DIS3L2: variants seen among roughly 807,000 people sequenced by gnomAD.
DIS3L2 encodes DIS3-like exonuclease 2.
In DIS3L2, 34 loss-of-function variants were observed where a neutral mutation model predicts 97.5. The ratio of observed to expected loss-of-function variants is 0.35; its 90% CI spans 0.27 to 0.46. DIS3L2 has a LOEUF of 0.46. Among genes scored for constraint, DIS3L2 ranks in the 20% least tolerant of loss-of-function variants. The pLI is 1.00. For synonymous variants in DIS3L2, 435 were observed against 445.2 expected (o/e 0.98, Z 0.29); for missense variants, 1,038 against 1,146.0 (o/e 0.91, Z 1.36).
At chr2:232,072,533 TA>T (rs1324417192) in intron 5 of DIS3L2, among the ~76,000 whole-genome samples, 2 of 151,884 alleles carry the variant, frequency 1.3e-5, no homozygotes, top group Non-Finnish European at 2.9e-5. Context: ...ACATCATAGG[TA>T]GGATTCTGTT....
intron 14 of DIS3L2, among the ~76,000 whole-genome samples, chr2:232,324,827 T>G (rs1041260787): frequency 2.0e-5 from 3 of 152,270 alleles, no homozygotes; most frequent in Admixed American, 2.0e-4. Flanking sequence ...GGGAAACAAA[T>G]TGAGATTACA....
chr2:232,119,106 A>C (rs943466836), intron 6 of DIS3L2, among the ~76,000 whole-genome samples: 1 of 152,078 alleles, frequency 6.6e-6, no homozygotes, highest in Admixed American at 6.5e-5. Context: ...TTGCTGCTGG[A>C]GATGTTCAAG....
At chr2:232,163,719 C>T (rs1280003529) in intron 9 of DIS3L2, 87 bp downstream of exon 9, 1 of 1,420,498 alleles carries the variant, frequency 7.0e-7, no homozygotes, top group Non-Finnish European at 9.4e-7. Flanking sequence ...TTCATCTTTC[C>T]ACGAACATTC....
intron 14 of DIS3L2, among the ~76,000 whole-genome samples, chr2:232,314,270 G>A (rs1025225422): frequency 6.6e-5 from 10 of 152,072 alleles, no homozygotes; most frequent in East Asian, 5.8e-4. Flanking sequence ...CCTCCTGGGC[G>A]GGCTGCTCAG....
At chr2:232,272,646 C>A (rs1366162364) in intron 13 of DIS3L2, among the ~76,000 whole-genome samples, 3 of 152,126 alleles carry the variant, frequency 2.0e-5, no homozygotes, top group Non-Finnish European at 4.4e-5. Flanking sequence ...ATTACTGATA[C>A]CGTTTGGGTT....
At chr2:231,999,374 C>T (rs1389800393) in intron 1 of DIS3L2, among the ~76,000 whole-genome samples, 1 of 152,124 alleles carries the variant, frequency 6.6e-6, no homozygotes, top group Non-Finnish European at 1.5e-5. Context: ...TAGGCCCTTT[C>T]AGGAGACAAA....
At chr2:232,123,238 T>G (rs1248227628) in intron 6 of DIS3L2, among the ~76,000 whole-genome samples, 1 of 152,120 alleles carries the variant, frequency 6.6e-6, no homozygotes, top group African/African-American at 2.4e-5. Flanking sequence ...CTGGGATAAG[T>G]TAGTTTACTT....
rs11678626 is a variant in DIS3L2, at chr2:232,195,706, C to T, written c.1125-14620C>T. Among the ~76,000 whole-genome samples the T allele has an allele frequency of 2.9e-3, 434 of 152,226 alleles. 1 individual carries two copies. The highest frequency in any genetic ancestry group is 4.7e-3 in the Non-Finnish European group (323 of 68,010). ...GGCTCAAGCTGTTCTCCTGCATCAG[C>T]CTCCCAAAGTGCTAGGATTACAGGG... On this transcript the variant is annotated intron_variant, in intron 9 of 20. Coordinates refer to ENST00000325385, the MANE Select transcript of DIS3L2 (RefSeq NM_152383.5).
rs539701624 is a variant in DIS3L2 at position 232,208,305 on chromosome 2, C to A, written c.1125-2021C>A. Among the ~76,000 whole-genome samples the A allele has an allele frequency of 1.3e-5, 2 of 152,050 alleles. 1 individual carries two copies. Among genetic ancestry groups the A allele is most frequent in the South Asian group, 4.2e-4 (2 of 4,810 alleles). ...CCTCTTCTTATCCCCTCTCCTCCCC[C>A]CACCCTTTTTTGTTTTTGTGTTTGA... On this transcript the variant is annotated intron_variant, in intron 9 of 20. Transcript: ENST00000325385.
chr2:232,343,783 C>T, exon 14 of DIS3L2: 1 of 557,096 alleles, frequency 1.8e-6, no homozygotes, highest in Admixed American at 3.2e-5. Context: ...AGGTTTGCAG[C>T]AGATGCCAGG....
chr2:232,007,719 G>T (rs1694091957), intron 1 of DIS3L2, among the ~76,000 whole-genome samples: 2 of 152,114 alleles, frequency 1.3e-5, no homozygotes. Flanking sequence ...AATTCCTATA[G>T]AAATGCAAAT....
chr2:231,993,330 C>T (rs11676233), intron 1 of DIS3L2, among the ~76,000 whole-genome samples: 2,135 of 152,274 alleles, frequency 0.014, 23 homozygotes, highest in Non-Finnish European at 0.021. Context: ...TCTCCTGCCT[C>T]AGCCTCCTGA....
chr2:232,006,764 G>A (rs1370028978), intron 1 of DIS3L2, among the ~76,000 whole-genome samples: 2 of 152,190 alleles, frequency 1.3e-5, no homozygotes, highest in Non-Finnish European at 2.9e-5. Flanking sequence ...GAATTGTAGA[G>A]AGAGAAAGAG....
chr2:232,051,672 C>T (rs1342111225), intron 5 of DIS3L2, among the ~76,000 whole-genome samples: 11 of 150,524 alleles, frequency 7.3e-5, no homozygotes, highest in Non-Finnish European at 1.5e-4. Context: ...ATTAGCCGGG[C>T]GTAGTGGCGG....
intron 1 of DIS3L2, among the ~76,000 whole-genome samples, chr2:231,982,980 T>A (rs1400306277): frequency 1.3e-5 from 2 of 152,128 alleles, no homozygotes; most frequent in African/African-American, 4.8e-5. Flanking sequence ...GCACCCAGCC[T>A]CAAGCATCTT....
intron 5 of DIS3L2, among the ~76,000 whole-genome samples, chr2:232,049,767 T>G (rs1159751819): frequency 6.6e-6 from 1 of 152,244 alleles, no homozygotes; most frequent in Non-Finnish European, 1.5e-5. Context: ...ATGTTGGTTT[T>G]ATCATCTTCA....
intron 10 of DIS3L2, among the ~76,000 whole-genome samples, chr2:232,218,384 GATA>G (rs35311153): frequency 0.012 from 1,818 of 152,318 alleles, 16 homozygotes; most frequent in Non-Finnish European, 0.018. Context: ...AAGTCTGGAG[GATA>G]ATAAGATTTT....
intron 10 of DIS3L2, among the ~76,000 whole-genome samples, chr2:232,227,891 A>G (rs1692690131): frequency 6.6e-6 from 1 of 152,210 alleles, no homozygotes; most frequent in African/African-American, 2.4e-5. Flanking sequence ...TATTTCTTTA[A>G]AACATTGAAA....
chr2:232,263,590 A>G, intron 13 of DIS3L2, 150 bp downstream of exon 13: 4 of 723,536 alleles, frequency 5.5e-6, no homozygotes, highest in Non-Finnish European at 9.3e-6. Flanking sequence ...GCCGGCAGGA[A>G]CTAACTCCCA....
Sources: gnomAD v4.1 joint callset for allele counts (sites outside exome capture counted in the v4.1 genomes callset) on GRCh38, gnomAD v4.1.1 for gene constraint, MANE v1.5 for transcripts, NCBI Gene and HGNC (gene_info 2026-07-23, HGNC 2026-07-21) for gene names.